The following ARMC3 variants were observed in gnomAD, a reference collection of about 807,000 sequenced individuals.
ARMC3 encodes armadillo repeat containing 3, also known as armadillo repeat-containing protein 3.
A neutral mutation model predicts 90.3 loss-of-function variants in ARMC3; 74 were observed. The observed-to-expected ratio is 0.82, with a 90% CI of 0.68 to 0.99. The LOEUF is 0.99. ARMC3 is among the 50% of genes least tolerant of loss of function. ARMC3 has a pLI of 0.00. For missense variants in ARMC3, 958 were observed against 1,042.8 expected (o/e 0.92, Z 1.12); for synonymous variants, 334 against 361.8 (o/e 0.92, Z 0.87).
At chr10:23,019,006 C>CAG (rs1838401790) in intron 16 of ARMC3, among the ~76,000 whole-genome samples, 1 of 152,228 alleles carries the variant, frequency 6.6e-6, no homozygotes, top group Non-Finnish European at 1.5e-5. Flanking sequence ...CACTGCCTCC[C>CAG]AGAGGGCTGT....
intron 16 of ARMC3, among the ~76,000 whole-genome samples, chr10:23,018,358 C>T (rs182222932): frequency 2.0e-5 from 3 of 152,188 alleles, no homozygotes; most frequent in Admixed American, 6.5e-5. Context: ...GTTCTCATTT[C>T]GTTCATTTTT....
chr10:22,991,021 CCTT>C (rs1836687612), intron 10 of ARMC3, among the ~76,000 whole-genome samples: 1 of 152,064 alleles, frequency 6.6e-6, no homozygotes. Context: ...GCCTCCTCCT[CCTT>C]CTCATTTTCC....
At position 22,959,059 on chromosome 10, in the gene ARMC3, T is replaced by C. The variant is rs1443655845; in HGVS notation, c.293-11T>C. The C allele has an allele frequency of 6.3e-7, 1 of 1,587,330 alleles. No homozygotes were observed. The highest frequency in any genetic ancestry group is 1.7e-5 in the Admixed American group (1 of 59,968). ...TTAATAAACATCAATACTCTGTTTC[T>C]TCCTTTGTAGATGATGTTAAAAAAT... On this transcript the variant is annotated splice_polypyrimidine_tract_variant and intron_variant, in intron 4 of 18. Transcript: ENST00000298032.
chr10:23,021,424 C>T (rs1838509869), intron 16 of ARMC3, among the ~76,000 whole-genome samples: 1 of 152,196 alleles, frequency 6.6e-6, no homozygotes, highest in Non-Finnish European at 1.5e-5. Flanking sequence ...TTTACAATCC[C>T]ACCAACAGTG....
chr10:22,928,374 CTG>C (rs1833797434), intron 1 of ARMC3, among the ~76,000 whole-genome samples: 2 of 152,202 alleles, frequency 1.3e-5, no homozygotes, highest in African/African-American at 2.4e-5. Flanking sequence ...CGTTACTTGA[CTG>C]TGAGCAACTC....
intron 1 of ARMC3, among the ~76,000 whole-genome samples, chr10:22,928,933 A>G (rs946562410): frequency 6.6e-6 from 1 of 152,212 alleles, no homozygotes; most frequent in Admixed American, 6.5e-5. Flanking sequence ...ATCACTTTAG[A>G]AAAACACACA....
chr10:23,021,107 T>G (rs1383644405), intron 16 of ARMC3, among the ~76,000 whole-genome samples: 1 of 152,244 alleles, frequency 6.6e-6, no homozygotes, highest in Non-Finnish European at 1.5e-5. Flanking sequence ...GATAATGACC[T>G]CCAGCTGCAT....
At chr10:23,030,868 T>C (rs1341667716) in intron 17 of ARMC3, 72 bp downstream of exon 17, 1 of 1,490,750 alleles carries the variant, frequency 6.7e-7, no homozygotes, top group East Asian at 2.4e-5. Flanking sequence ...TTTAGCCATG[T>C]TTTAGACAAA....
chr10:22,999,257 CTTTA>C (rs529261041), intron 11 of ARMC3, among the ~76,000 whole-genome samples: 16 of 152,156 alleles, frequency 1.1e-4, no homozygotes, highest in African/African-American at 3.9e-4. Context: ...TTCAGAAAAA[CTTTA>C]TTTAGGCCAG....
At chr10:22,962,760 A>T (rs1006637642) in intron 7 of ARMC3, among the ~76,000 whole-genome samples, 3 of 152,210 alleles carry the variant, frequency 2.0e-5, no homozygotes, top group African/African-American at 7.2e-5. Flanking sequence ...GTAACTTTGT[A>T]TTCTGTTTCA....
intron 13 of ARMC3, 49 bp downstream of exon 13, chr10:23,003,463 T>G: frequency 7.1e-7 from 1 of 1,409,116 alleles, no homozygotes; most frequent in African/African-American, 1.5e-5. Context: ...TAATAATTTT[T>G]CTTTAATCCT....
intron 2 of ARMC3, 89 bp downstream of exon 2, chr10:22,932,133 C>A: frequency 9.3e-7 from 1 of 1,070,544 alleles, no homozygotes; most frequent in Non-Finnish European, 1.3e-6. Context: ...CCAGTATATA[C>A]ATGAATACGC....
At chr10:23,003,495 C>A in intron 13 of ARMC3, 81 bp downstream of exon 13, 2 of 1,077,742 alleles carry the variant, frequency 1.9e-6, no homozygotes, top group Non-Finnish European at 2.6e-6. Context: ...ATTGCCATTT[C>A]ATCATCACCT....
rs745510825 is a variant in ARMC3, at chr10:22,961,982, C to T, written c.636C>T (p.Leu212=). ...SEYPVIQLLA[L]KTLGVIANDK... ...ATCCAGTGATTCAGTTGTTGGCTCT[C>T]AAAACCTTAGGTGTTATTGCAAATG... is the stretch of plus-strand genomic sequence containing the variant. Residue 212 remains leucine (L), a synonymous_variant, in exon 7 of 19, where the codon CTC becomes CTT. Coordinates refer to ENST00000298032, the MANE Select transcript of ARMC3 (RefSeq NM_173081.5). The T allele has an allele frequency of 3.1e-6, 5 of 1,612,576 alleles. No individual in the cohort carries two copies. In the South Asian group the frequency reaches 4.4e-5, roughly 14 times the overall value.
At chr10:23,015,408 A>G (rs1343825552) in intron 16 of ARMC3, among the ~76,000 whole-genome samples, 1 of 152,198 alleles carries the variant, frequency 6.6e-6, no homozygotes, top group African/African-American at 2.4e-5. Context: ...CCTTATAGAG[A>G]ACATTTGAAT....
At chr10:22,951,094 C>T (rs1564347027) in intron 3 of ARMC3, among the ~76,000 whole-genome samples, 2 of 152,136 alleles carry the variant, frequency 1.3e-5, no homozygotes, top group Admixed American at 1.3e-4. Context: ...CCCGCCACTA[C>T]ACCCAGCTAA....
intron 3 of ARMC3, among the ~76,000 whole-genome samples, chr10:22,952,611 A>G (rs1224903750): frequency 6.6e-6 from 1 of 152,226 alleles, no homozygotes. Flanking sequence ...GGAAGAAATA[A>G]TACCAATTAC....
rs1370237026 is a variant in ARMC3, at chr10:23,008,813, AG to A, written c.1929-1del. On this transcript the variant is annotated splice_acceptor_variant, in intron 15 of 18. Transcript: ENST00000298032. LOFTEE classifies it high-confidence loss of function. ...GGTTGTGGTTTTTTTTCAAATGACA[AG>A]AAAAAATAGTTATCATTTTAGTGCT... 1 of 1,606,998 alleles carries A rather than the reference AG, an allele frequency of 6.2e-7. No individual in the cohort carries two copies. Among genetic ancestry groups the A allele is most frequent in the Non-Finnish European group, 8.5e-7 (1 of 1,175,404 alleles).
intron 10 of ARMC3, among the ~76,000 whole-genome samples, chr10:22,995,323 G>GT (rs1204358937): frequency 6.6e-6 from 1 of 151,930 alleles, no homozygotes; most frequent in African/African-American, 2.4e-5. Context: ...TATAAAATTA[G>GT]TTTTTTTAAG....
Sources: gnomAD v4.1 joint callset for allele counts (sites outside exome capture counted in the v4.1 genomes callset) on GRCh38, gnomAD v4.1.1 for gene constraint, MANE v1.5 for transcripts, NCBI Gene and HGNC (gene_info 2026-07-23, HGNC 2026-07-21) for gene names.